The following SMAD4 variants were observed in gnomAD, a reference collection of about 807,000 sequenced individuals.
SMAD4 encodes SMAD family member 4, also known as MAD homolog 4.
SMAD4 carries 7 observed loss-of-function variants against 63.2 expected under a neutral mutation model. The observed-to-expected ratio is 0.11, with a 90% CI of 0.06 to 0.21. The LOEUF (loss-of-function observed/expected upper bound fraction) is 0.21, where lower values mean the gene tolerates loss of function less well. Ranked by LOEUF, SMAD4 falls within the 10% of genes least tolerant of loss-of-function variation. The pLI is 1.00. For missense variants in SMAD4, 312 were observed against 693.8 expected, an observed-to-expected ratio of 0.45 and a Z score of 6.18; for synonymous variants, 215 against 235.4, an observed-to-expected ratio of 0.91 and a Z score of 0.79.
At position 51,076,638 on chromosome 18, in the gene SMAD4, G is replaced by A. The variant is rs1568211172; in HGVS notation, c.1309G>A (p.Val437Ile). 6.2e-7 allele frequency: 1 copy of A among 1,613,564 alleles called. No individual in the cohort carries two copies. Among genetic ancestry groups the A allele is most frequent in the South Asian group, 1.1e-5 (1 of 91,040 alleles). The change falls in exon 11 of 12, where the codon GTC becomes ATC. Residue 437 changes from valine (V) to isoleucine (I), a missense_variant and splice_region_variant. Transcript: ENST00000342988. ...AGTATGAAATGTTTTTTCTTAAAAG[G>A]TCTTTGATTTGCGTCAGTGTCATCG... ...HKIYPSAYIK[V>I]FDLRQCHRQM...
chr18:51,049,488 G>T, intron 4 of SMAD4, 164 bp downstream of exon 4: 1 of 621,416 alleles, frequency 1.6e-6, no homozygotes, highest in South Asian at 2.0e-5. Context: ...ATTTAAAACT[G>T]GATTTAAAAC....
chr18:51,060,759 G>A (rs1909988842), intron 8 of SMAD4, among the ~76,000 whole-genome samples: 1 of 152,114 alleles, frequency 6.6e-6, no homozygotes, highest in African/African-American at 2.4e-5. Flanking sequence ...TCAGCTTCTA[G>A]AGTAGCTGGG....
chr18:51,045,589 A>G (rs1430298967), intron 1 of SMAD4, among the ~76,000 whole-genome samples: 2 of 152,132 alleles, frequency 1.3e-5, no homozygotes. Context: ...TTTTACAGGT[A>G]AAATCTTTTG....
chr18:51,075,382 TG>T (rs1910446065), intron 10 of SMAD4, among the ~76,000 whole-genome samples: 1 of 152,202 alleles, frequency 6.6e-6, no homozygotes, highest in Admixed American at 6.5e-5. Flanking sequence ...TATTTATGCT[TG>T]CTTGTATTGG....
intron 7 of SMAD4, among the ~76,000 whole-genome samples, chr18:51,059,173 GTATTGTATA>G (rs1470003155): frequency 3.3e-5 from 5 of 152,122 alleles, no homozygotes; most frequent in Admixed American, 6.6e-5. Flanking sequence ...TACTCTATGT[GTATTGTATA>G]TATCTTGCTT....
chr18:51,051,521 C>A, intron 4 of SMAD4: 1 of 409,588 alleles, frequency 2.4e-6, no homozygotes, highest in Non-Finnish European at 4.8e-6. Flanking sequence ...TTTCTATGAC[C>A]ACGTTGACCT....
chr18:51,033,489 C>G (rs991871237), intron 1 of SMAD4, among the ~76,000 whole-genome samples: 2 of 152,342 alleles, frequency 1.3e-5, no homozygotes, highest in South Asian at 4.1e-4. Flanking sequence ...TGCGCCTGTC[C>G]TATAACAGCA....
intron 5 of SMAD4, among the ~76,000 whole-genome samples, chr18:51,056,717 A>G (rs1417468929): frequency 6.6e-6 from 1 of 151,652 alleles, no homozygotes; most frequent in African/African-American, 2.4e-5. Flanking sequence ...TTGAAAGGCT[A>G]TTTTACGTGA....
chr18:51,067,668 C>T (rs2144454358), intron 10 of SMAD4, among the ~76,000 whole-genome samples: 1 of 152,258 alleles, frequency 6.6e-6, no homozygotes, highest in East Asian at 1.9e-4. Flanking sequence ...CCAACTTGGC[C>T]TCCCAAAGTG....
intron 8 of SMAD4, 140 bp from the exon 9 acceptor site, chr18:51,065,283 A>G (rs770038261): frequency 2.3e-5 from 17 of 725,386 alleles, no homozygotes; most frequent in Non-Finnish European, 4.0e-5. Context: ...TGTTATTTTA[A>G]TCCAGTTGTT....
At position 51,082,753 on chromosome 18, in the gene SMAD4, T is replaced by C. The variant is rs1186655867; in HGVS notation, c.*4286T>C. 1.3e-5 allele frequency: 3 copies of C among 230,308 alleles called. No homozygotes were observed. The highest frequency in any genetic ancestry group is 2.6e-5 in the Non-Finnish European group (3 of 116,280). The allele number at this position is 230,308 out of a possible 1,614,324, so 14.3% of individuals were successfully genotyped here. On this transcript the variant is annotated 3_prime_UTR_variant, in exon 12 of 12. Coordinates refer to ENST00000342988, the MANE Select transcript of SMAD4 (RefSeq NM_005359.6). The stretch of plus-strand genomic sequence containing the variant: ...TTTAGTTTTTTTTTTTTAACCCACT[T>C]CCCCTCCTGGTCTCTTCCCTCTCTG...
chr18:51,051,644 C>G (rs555253991), intron 4 of SMAD4, among the ~76,000 whole-genome samples: 1 of 152,196 alleles, frequency 6.6e-6, no homozygotes, highest in Non-Finnish European at 1.5e-5. Flanking sequence ...AGCTTATACT[C>G]TAGTGGAGGA....
chr18:51,066,727 GTTTC>G (rs1297410042), intron 9 of SMAD4: 2 of 314,754 alleles, frequency 6.4e-6, no homozygotes, highest in Non-Finnish European at 1.2e-5. Context: ...GTATGCCTTA[GTTTC>G]TTTATCTAAA....
At chr18:51,032,546 A>G (rs967511956) in intron 1 of SMAD4, among the ~76,000 whole-genome samples, 27 of 152,206 alleles carry the variant, frequency 1.8e-4, no homozygotes, top group Admixed American at 1.8e-3. Flanking sequence ...CTTAAGCTAC[A>G]TTTTAGTCGA....
At chr18:51,072,623 C>T (rs1234135205) in intron 10 of SMAD4, among the ~76,000 whole-genome samples, 1 of 152,010 alleles carries the variant, frequency 6.6e-6, no homozygotes, top group East Asian at 1.9e-4. Context: ...AGGAAAATGG[C>T]AAAATTTGAC....
chr18:51,065,208 A>G (rs1047212910), intron 8 of SMAD4, among the ~76,000 whole-genome samples: 1 of 152,220 alleles, frequency 6.6e-6, no homozygotes, highest in Non-Finnish European at 1.5e-5. Context: ...TAGTGTTTTA[A>G]GAACAGTGCT....
At chr18:51,051,383 C>G in intron 4 of SMAD4, 1 of 456,166 alleles carries the variant, frequency 2.2e-6, no homozygotes, top group Non-Finnish European at 4.4e-6. Context: ...ACAGCTCCTT[C>G]TAGATTTGGA....
chr18:51,038,251 T>TGGA (rs1555684405), intron 1 of SMAD4, among the ~76,000 whole-genome samples: 10 of 94,894 alleles, frequency 1.1e-4, no homozygotes, highest in African/African-American at 3.0e-4. Flanking sequence ...AGCGAGACTG[T>TGGA]GGGGGGGGGG....
chr18:51,055,802 CAG>C (rs1031968136), intron 5 of SMAD4, among the ~76,000 whole-genome samples: 3 of 151,668 alleles, frequency 2.0e-5, no homozygotes, highest in African/African-American at 7.3e-5. Context: ...AAACCCACAT[CAG>C]AATAGATTTT....
Sources: gnomAD v4.1 joint callset for allele counts (sites outside exome capture counted in the v4.1 genomes callset) on GRCh38, gnomAD v4.1.1 for gene constraint, MANE v1.5 for transcripts, NCBI Gene and HGNC (gene_info 2026-07-23, HGNC 2026-07-21) for gene names.